Variants in GRAP2 observed in about 807,000 individuals in gnomAD.
The protein encoded by GRAP2 is GRB2 related adaptor protein 2, also known as GRB2-related adapter protein 2.
Under a neutral mutation model 43.5 loss-of-function variants are expected in GRAP2, and 31 were observed. That is an observed-to-expected ratio of 0.71 (90% CI 0.54 to 0.96). The LOEUF is 0.96. Ranked by LOEUF, GRAP2 falls within the 40% of genes least tolerant of loss-of-function variation. GRAP2 has a pLI of 0.00. For missense variants in GRAP2, 371 were observed against 424.4 expected (o/e 0.87, Z 1.11); for synonymous variants, 156 against 164.8 (o/e 0.95, Z 0.41).
At chr22:39,970,756 AC>A in intron 7 of GRAP2, 148 bp from the exon 8 acceptor site, 1 of 635,576 alleles carries the variant, frequency 1.6e-6, no homozygotes, top group Non-Finnish European at 2.6e-6. Flanking sequence ...CCCCATCTCT[AC>A]AAAAAAAGTT....
At chr22:39,914,129 T>C (rs1312927658) in intron 1 of GRAP2, among the ~76,000 whole-genome samples, 1 of 152,094 alleles carries the variant, frequency 6.6e-6, no homozygotes, top group African/African-American at 2.4e-5. Flanking sequence ...TACCACCAAG[T>C]ATGTATTTGT....
In GRAP2 at chr22:39,972,124, C is replaced by A; in HGVS notation, c.*1040C>A. 1 of 152,516 alleles carries A rather than the reference C, an allele frequency of 6.6e-6. No individual in the cohort carries two copies. The highest frequency in any genetic ancestry group is 1.5e-5 in the Non-Finnish European group (1 of 68,144). 9.4% of individuals were successfully genotyped at this position (152,516 alleles called of 1,614,324 possible). On this transcript the variant is annotated 3_prime_UTR_variant, in exon 8 of 8. Coordinates refer to ENST00000344138, the MANE Select transcript of GRAP2 (RefSeq NM_004810.4). ...AGCTTCCTGTTCAGTCTGACCACTGCTGTCCTCCTGCTGCCCAAGAGTTGC... is the reference window on the plus strand; with the variant it reads ...AGCTTCCTGTTCAGTCTGACCACTGATGTCCTCCTGCTGCCCAAGAGTTGC...
intron 1 of GRAP2, among the ~76,000 whole-genome samples, chr22:39,944,854 T>A (rs2066906151): frequency 6.6e-6 from 1 of 152,220 alleles, no homozygotes; most frequent in African/African-American, 2.4e-5. Context: ...ATGTTTAGCA[T>A]TTGCCCTTCC....
At chr22:39,929,157 C>T (rs137980) in intron 1 of GRAP2, among the ~76,000 whole-genome samples, 35,613 of 151,988 alleles carry the variant, frequency 0.23, 6,181 homozygotes, top group African/African-American at 0.49. Context: ...ATATCAGTTT[C>T]CTAGCTTTGA....
chr22:39,917,797 A>C (rs2066615064), intron 1 of GRAP2, among the ~76,000 whole-genome samples: 1 of 152,162 alleles, frequency 6.6e-6, no homozygotes. Context: ...CATTAGGGGG[A>C]AAGTTAAAAT....
intron 1 of GRAP2, among the ~76,000 whole-genome samples, chr22:39,910,149 A>G (rs1016562697): frequency 6.6e-6 from 1 of 151,816 alleles, no homozygotes; most frequent in Non-Finnish European, 1.5e-5. Context: ...CTCTGATTGG[A>G]CTCTAGCTTA....
intron 1 of GRAP2, among the ~76,000 whole-genome samples, chr22:39,922,641 G>A (rs745469876): frequency 1.3e-5 from 2 of 152,202 alleles, no homozygotes; most frequent in Non-Finnish European, 2.9e-5. Flanking sequence ...GGGGAGAATG[G>A]AGGTATTTGA....
intron 1 of GRAP2, among the ~76,000 whole-genome samples, chr22:39,924,724 G>A (rs2066682720): frequency 1.3e-5 from 2 of 152,126 alleles, no homozygotes; most frequent in Admixed American, 1.3e-4. Context: ...AAGTGACAAT[G>A]TAGGATACCC....
chr22:39,923,188 A>G (rs1306206224), intron 1 of GRAP2, among the ~76,000 whole-genome samples: 1 of 152,232 alleles, frequency 6.6e-6, no homozygotes, highest in Admixed American at 6.5e-5. Context: ...CTGTGAGGGC[A>G]GTGGTGCCAG....
intron 3 of GRAP2, among the ~76,000 whole-genome samples, chr22:39,958,065 C>T (rs754702879): frequency 2.0e-4 from 30 of 152,150 alleles, no homozygotes; most frequent in Non-Finnish European, 4.1e-4. Context: ...CATCTCCCGA[C>T]CCTTCCCACC....
chr22:39,960,295 C>T, intron 4 of GRAP2, 121 bp downstream of exon 4: 2 of 905,630 alleles, frequency 2.2e-6, no homozygotes, highest in Non-Finnish European at 3.5e-6. Flanking sequence ...GGCCTAGGGG[C>T]CAAGCATGGC....
intron 3 of GRAP2, among the ~76,000 whole-genome samples, chr22:39,959,268 A>G (rs6001711): frequency 0.031 from 4,684 of 152,296 alleles, 247 homozygotes; most frequent in African/African-American, 0.11. Context: ...GCCACGCTGT[A>G]TGCAGCTGTA....
intron 1 of GRAP2, among the ~76,000 whole-genome samples, chr22:39,901,737 G>C (rs975041427): frequency 1.3e-5 from 2 of 152,176 alleles, no homozygotes; most frequent in Non-Finnish European, 2.9e-5. Context: ...GCACTCTGAG[G>C]TCAGGATTTC....
chr22:39,911,096 C>T (rs2066560881), intron 1 of GRAP2, among the ~76,000 whole-genome samples: 1 of 152,096 alleles, frequency 6.6e-6, no homozygotes, highest in South Asian at 2.1e-4. Flanking sequence ...TCGATGTCTG[C>T]AAAACCCTAA....
At chr22:39,917,553 G>C (rs944890821) in intron 1 of GRAP2, among the ~76,000 whole-genome samples, 1 of 152,172 alleles carries the variant, frequency 6.6e-6, no homozygotes, top group African/African-American at 2.4e-5. Context: ...TCTTTCTTAA[G>C]ATATGCTAAT....
intron 1 of GRAP2, among the ~76,000 whole-genome samples, chr22:39,933,323 T>C (rs747860247): frequency 4.6e-5 from 7 of 152,200 alleles, no homozygotes; most frequent in Non-Finnish European, 8.8e-5. Context: ...GGAAGACCAG[T>C]GCAGAGACAA....
chr22:39,904,109 G>A (rs750182817), intron 1 of GRAP2, among the ~76,000 whole-genome samples: 7 of 152,218 alleles, frequency 4.6e-5, no homozygotes, highest in Non-Finnish European at 8.8e-5. Flanking sequence ...GTGAAGAACA[G>A]CCGGGCACAG....
Position 39,904,260 on chromosome 22 carries a change from C to T in GRAP2, c.-15+2930C>T, listed in dbSNP as rs555748525. 3.3e-5 allele frequency among the ~76,000 whole-genome samples: 5 copies of T among 152,210 alleles called. No individual in the cohort carries two copies. The East Asian group carries it at 9.7e-4, about 29-fold the overall frequency. The stretch of plus-strand genomic sequence containing the variant: ...AAAATTAGCCGGGCATGATGGCAGG[C>T]GCCTGTAATCCCAGCTACTTGGGAG... On this transcript the variant is annotated intron_variant, in intron 1 of 7. Transcript: ENST00000344138.
intron 1 of GRAP2, among the ~76,000 whole-genome samples, chr22:39,923,845 C>T (rs758000912): frequency 1.3e-5 from 2 of 152,196 alleles, no homozygotes; most frequent in Admixed American, 6.5e-5. Flanking sequence ...TTTCACTGCC[C>T]GGTTACAAAT....
Sources: gnomAD v4.1 joint callset for allele counts (sites outside exome capture counted in the v4.1 genomes callset) on GRCh38, gnomAD v4.1.1 for gene constraint, MANE v1.5 for transcripts, NCBI Gene and HGNC (gene_info 2026-07-23, HGNC 2026-07-21) for gene names.